Variants in CFAP54 observed in about 807,000 individuals in gnomAD.
CFAP54 encodes the protein cilia and flagella associated protein 54.
In CFAP54, 290 loss-of-function variants were observed where a neutral mutation model predicts 370.4. That is an observed-to-expected ratio of 0.78 (90% CI 0.71 to 0.86). The LOEUF (loss-of-function observed/expected upper bound fraction) is 0.86, where lower values mean the gene tolerates loss of function less well. Among genes scored for constraint, CFAP54 ranks in the 40% least tolerant of loss-of-function variants. The probability of loss-of-function intolerance (pLI) is 0.00; values close to 1 mark genes in which losing one functional copy is unlikely to be tolerated. For missense variants in CFAP54, 3,399 were observed against 3,528.7 expected, an observed-to-expected ratio of 0.96 and a Z score of 0.93; for synonymous variants, 1,206 against 1,236.5, an observed-to-expected ratio of 0.98 and a Z score of 0.52.
intron 19 of CFAP54, among the ~76,000 whole-genome samples, chr12:96,574,142 G>C (rs1955952819): frequency 6.6e-6 from 1 of 152,126 alleles, no homozygotes; most frequent in African/African-American, 2.4e-5. Context: ...CAGGGAGCTG[G>C]TTTCCTCACT....
chr12:96,658,127 A>G (rs370423176), intron 37 of CFAP54, 22 bp downstream of exon 37: 14 of 1,588,592 alleles, frequency 8.8e-6, no homozygotes, highest in Non-Finnish European at 1.2e-5. Context: ...TGTAAGGGCA[A>G]TTAAAAGTAG....
At chr12:96,510,982 G>T (rs200816761) in intron 4 of CFAP54, among the ~76,000 whole-genome samples, 7 of 135,388 alleles carry the variant, frequency 5.2e-5, no homozygotes, top group Non-Finnish European at 4.8e-5. Flanking sequence ...AAAAAAAAAA[G>T]AAATGAAAAA....
intron 50 of CFAP54, among the ~76,000 whole-genome samples, chr12:96,739,604 C>A (rs1958026237): frequency 6.6e-6 from 1 of 152,136 alleles, no homozygotes; most frequent in East Asian, 1.9e-4. Flanking sequence ...ATTGCCAATA[C>A]ATTTTGTTTT....
chr12:96,718,859 A>G lies in CFAP54; in HGVS notation c.6804+337A>G, dbSNP rs1174524520. 2.0e-5 allele frequency among the ~76,000 whole-genome samples: 3 copies of G among 152,156 alleles called. No homozygotes were observed. The East Asian group carries it at 5.8e-4, about 29-fold the overall frequency. ...TTCAAGACCAGCCTGACCAACATGG[A>G]GAAATCCTGTCTCTACTAAAAATAC... On this transcript the variant is annotated intron_variant, in intron 49 of 67. Coordinates refer to ENST00000524981, the MANE Select transcript of CFAP54 (RefSeq NM_001306084.2).
intron 5 of CFAP54, among the ~76,000 whole-genome samples, chr12:96,516,678 A>G (rs1037718829): frequency 6.6e-5 from 10 of 152,220 alleles, no homozygotes; most frequent in African/African-American, 2.4e-4. Context: ...CTCAGCAAAC[A>G]TTAAAGAATA....
At chr12:96,762,522 C>G (rs7973251) in intron 58 of CFAP54, among the ~76,000 whole-genome samples, 55,322 of 152,112 alleles carry the variant, frequency 0.36, 10,819 homozygotes, top group East Asian at 0.58. Flanking sequence ...CCAAATTTTT[C>G]TATGGTGGGC....
At chr12:96,557,143 G>A (rs987054981) in intron 17 of CFAP54, among the ~76,000 whole-genome samples, 5 of 152,058 alleles carry the variant, frequency 3.3e-5, no homozygotes, top group African/African-American at 1.2e-4. Context: ...GTCTTTTCCA[G>A]CTTCTAGAGG....
intron 14 of CFAP54, among the ~76,000 whole-genome samples, chr12:96,545,427 C>T (rs569584175): frequency 1.7e-4 from 26 of 152,156 alleles, no homozygotes; most frequent in African/African-American, 6.3e-4. Context: ...TCTGAACTGA[C>T]ATAAAACAGG....
intron 22 of CFAP54, among the ~76,000 whole-genome samples, chr12:96,588,980 T>G (rs991592962): frequency 6.6e-6 from 1 of 152,220 alleles, no homozygotes; most frequent in East Asian, 1.9e-4. Flanking sequence ...GCTCTGAAAG[T>G]ATCAGTCAGA....
intron 17 of CFAP54, among the ~76,000 whole-genome samples, chr12:96,560,676 A>G (rs951881746): frequency 6.6e-6 from 1 of 152,002 alleles, no homozygotes; most frequent in Admixed American, 6.6e-5. Context: ...TATTTGTTTT[A>G]TTATTGGTGA....
chr12:96,807,435 A>G (rs1958893344), intron 63 of CFAP54, among the ~76,000 whole-genome samples: 1 of 152,252 alleles, frequency 6.6e-6, no homozygotes, highest in East Asian at 1.9e-4. Flanking sequence ...CACCTAGTAC[A>G]AGAGAGCTCG....
At chr12:96,626,554 A>C (rs1405166696) in intron 29 of CFAP54, among the ~76,000 whole-genome samples, 1 of 152,158 alleles carries the variant, frequency 6.6e-6, no homozygotes, top group Non-Finnish European at 1.5e-5. Flanking sequence ...CATACATTAG[A>C]AGTGACCTTA....
chr12:96,688,387 C>A (rs572380420), intron 42 of CFAP54, among the ~76,000 whole-genome samples: 13 of 152,268 alleles, frequency 8.5e-5, no homozygotes, highest in African/African-American at 2.9e-4. Context: ...TTACTGTGCG[C>A]CCCCTTTTAC....
intron 15 of CFAP54, among the ~76,000 whole-genome samples, chr12:96,552,880 A>G (rs911668855): frequency 1.6e-4 from 25 of 152,296 alleles, no homozygotes; most frequent in East Asian, 7.7e-4. Context: ...TAGTCTTCCA[A>G]TGAGGGGCAT....
At chr12:96,789,073 A>G (rs1958657003) in intron 62 of CFAP54, among the ~76,000 whole-genome samples, 1 of 152,228 alleles carries the variant, frequency 6.6e-6, no homozygotes, top group African/African-American at 2.4e-5. Flanking sequence ...CTTCCTAGTA[A>G]TGAGTACCAA....
chr12:96,752,166 G>A (rs1734297246), intron 55 of CFAP54, among the ~76,000 whole-genome samples: 1 of 146,470 alleles, frequency 6.8e-6, no homozygotes, highest in Non-Finnish European at 1.5e-5. Flanking sequence ...CATTCACATA[G>A]CACATGCCTG....
At chr12:96,769,999 A>G (rs1958443997) in intron 60 of CFAP54, among the ~76,000 whole-genome samples, 3 of 152,308 alleles carry the variant, frequency 2.0e-5, no homozygotes, top group South Asian at 2.1e-4. Flanking sequence ...GCAGAGATAC[A>G]GGGTCGATAA....
At chr12:96,634,150 G>A (rs994855964) in intron 32 of CFAP54, among the ~76,000 whole-genome samples, 9 of 130,568 alleles carry the variant, frequency 6.9e-5, no homozygotes, top group South Asian at 2.6e-4. Flanking sequence ...CCGCCTCCCC[G>A]GTTCAAGTGA....
chr12:96,752,965 A>T (rs768120915), intron 55 of CFAP54, among the ~76,000 whole-genome samples: 4 of 152,212 alleles, frequency 2.6e-5, no homozygotes, highest in Non-Finnish European at 5.9e-5. Context: ...AAGCTTGATA[A>T]TGGTGCCCAC....
Sources: allele counts gnomAD v4.1 joint callset (sites outside exome capture counted in the v4.1 genomes callset), GRCh38; gene constraint gnomAD v4.1.1; transcripts MANE v1.5; gene names NCBI Gene and HGNC (gene_info 2026-07-23, HGNC 2026-07-21).